MYO3B: variants seen among roughly 807,000 people sequenced by gnomAD.
MYO3B encodes myosin-IIIb.
MYO3B carries 156 observed loss-of-function variants against 174.6 expected under a neutral mutation model. That is an observed-to-expected ratio of 0.89 (90% CI 0.78 to 1.02). MYO3B has a LOEUF of 1.02. Among genes scored for constraint, MYO3B ranks in the 50% least tolerant of loss-of-function variants. The pLI, the probability that MYO3B is intolerant of heterozygous loss-of-function variation, is 0.00. For missense variants in MYO3B, 1,632 were observed against 1,639.4 expected, an observed-to-expected ratio of 1.00 and a Z score of 0.08; for synonymous variants, 563 against 569.1, an observed-to-expected ratio of 0.99 and a Z score of 0.15.
At chr2:170,218,290 A>G (rs1246882202) in intron 6 of MYO3B, among the ~76,000 whole-genome samples, 1 of 152,222 alleles carries the variant, frequency 6.6e-6, no homozygotes, top group Non-Finnish European at 1.5e-5. Context: ...GAAAAAGAAA[A>G]ATGCTGCAAT....
intron 7 of MYO3B, among the ~76,000 whole-genome samples, chr2:170,236,801 G>A (rs574426978): frequency 6.6e-6 from 1 of 152,184 alleles, no homozygotes; most frequent in African/African-American, 2.4e-5. Context: ...TTCCCAACCA[G>A]GGTGCAGATT....
In MYO3B at chr2:170,383,788, T is replaced by G. The variant is rs1181493111; in HGVS notation, c.1264T>G (p.Cys422Gly). The G allele has an allele frequency of 6.2e-7, 1 of 1,613,550 alleles. No individual in the cohort carries two copies. The highest frequency in any genetic ancestry group is 8.5e-7 in the Non-Finnish European group (1 of 1,179,646). ...IFASADAAYQ[C>G]MVTLSKDQCI... ...TGCATCAGCAGATGCTGCTTACCAG[T>G]GCATGGTTACTCTCAGCAAAGACCA... The change falls in exon 12 of 35, where the codon TGC (cysteine) becomes GGC (glycine). Residue 422 changes from cysteine to glycine, a missense_variant. By Grantham distance (159) the Cys-to-Gly change is radical (BLOSUM62 -3). Coordinates refer to ENST00000408978, the MANE Select transcript of MYO3B (RefSeq NM_138995.5).
At chr2:170,447,308 G>A (rs1049467105) in intron 23 of MYO3B, among the ~76,000 whole-genome samples, 2 of 152,166 alleles carry the variant, frequency 1.3e-5, no homozygotes, top group African/African-American at 4.8e-5. Flanking sequence ...GAGACCAGTG[G>A]TGCTGTCGGG....
chr2:170,623,058 T>C (rs1318350325), intron 32 of MYO3B, among the ~76,000 whole-genome samples: 4 of 152,114 alleles, frequency 2.6e-5, no homozygotes, highest in East Asian at 3.9e-4. Context: ...TTTATAGCAG[T>C]ATGATTTATA....
intron 7 of MYO3B, among the ~76,000 whole-genome samples, chr2:170,307,496 T>C (rs113668121): frequency 4.6e-5 from 7 of 152,222 alleles, no homozygotes; most frequent in Admixed American, 3.3e-4. Flanking sequence ...ATGTATTGCA[T>C]ATCAGTGGTA....
intron 32 of MYO3B, among the ~76,000 whole-genome samples, chr2:170,573,460 T>G (rs1692582066): frequency 6.6e-6 from 1 of 152,062 alleles, no homozygotes; most frequent in Non-Finnish European, 1.5e-5. Flanking sequence ...GGGCTGTCAA[T>G]TCCATTATAA....
chr2:170,255,331 G>A (rs1262271968), intron 7 of MYO3B, among the ~76,000 whole-genome samples: 1 of 128,248 alleles, frequency 7.8e-6, no homozygotes, highest in Non-Finnish European at 1.6e-5. Flanking sequence ...GTCATCTCTT[G>A]TGCTCCTCCC....
intron 8 of MYO3B, among the ~76,000 whole-genome samples, chr2:170,358,535 T>C (rs1218182540): frequency 6.6e-6 from 1 of 152,190 alleles, no homozygotes; most frequent in Non-Finnish European, 1.5e-5. Flanking sequence ...TGTGAATATA[T>C]TAAAAATAAT....
intron 7 of MYO3B, among the ~76,000 whole-genome samples, chr2:170,252,864 G>A (rs928182032): frequency 8.5e-5 from 13 of 152,236 alleles, no homozygotes; most frequent in Non-Finnish European, 1.3e-4. Context: ...AATGAGGTGG[G>A]AACATGGTGG....
chr2:170,632,608 C>T (rs1430215120), intron 32 of MYO3B, among the ~76,000 whole-genome samples: 5 of 152,084 alleles, frequency 3.3e-5, no homozygotes, highest in East Asian at 1.9e-4. Context: ...CAAAAGCTAG[C>T]GGAAGCCAAG....
At chr2:170,429,271 T>A (rs933579381) in intron 22 of MYO3B, among the ~76,000 whole-genome samples, 1 of 152,210 alleles carries the variant, frequency 6.6e-6, no homozygotes, top group Admixed American at 6.5e-5. Context: ...ACCTGACCCA[T>A]ATGAGATTTT....
intron 30 of MYO3B, among the ~76,000 whole-genome samples, chr2:170,520,469 A>G (rs1661445943): frequency 6.6e-6 from 1 of 151,510 alleles, no homozygotes; most frequent in African/African-American, 2.4e-5. Flanking sequence ...ACACACACAT[A>G]TATATACACA....
In MYO3B at chr2:170,466,594, T is replaced by A; in HGVS notation, c.2897T>A (p.Leu966Gln). The A allele has an allele frequency of 1.2e-6, 2 of 1,614,216 alleles. No individual in the cohort carries two copies. The highest frequency in any genetic ancestry group is 1.1e-5 in the South Asian group (1 of 91,078). Reference sequence around the variant, plus strand: ...AAACCCAATGATGACCGAGAGGCCCTGCAGTTCTCTCGAGAGAGGGTGCTG... The same window carrying A: ...AAACCCAATGATGACCGAGAGGCCCAGCAGTTCTCTCGAGAGAGGGTGCTG... ...CIKPNDDREA[L>Q]QFSRERVLAQ... The change falls in exon 25 of 35, where the codon CTG becomes CAG. Residue 966 changes from leucine to glutamine, a missense_variant. Transcript: ENST00000408978.
chr2:170,440,101 T>G (rs888691083), intron 22 of MYO3B, among the ~76,000 whole-genome samples: 4 of 152,208 alleles, frequency 2.6e-5, no homozygotes, highest in Admixed American at 6.5e-5. Context: ...TAACACTGTT[T>G]GTTGAAGAGA....
At chr2:170,629,966 C>CAT (rs1384780042) in intron 32 of MYO3B, among the ~76,000 whole-genome samples, 2 of 152,104 alleles carry the variant, frequency 1.3e-5, no homozygotes, top group East Asian at 3.9e-4. Flanking sequence ...GGAACAGCTC[C>CAT]ATTCTACACC....
chr2:170,229,554 G>A (rs1310101184), intron 6 of MYO3B, among the ~76,000 whole-genome samples: 1 of 152,138 alleles, frequency 6.6e-6, no homozygotes, highest in East Asian at 1.9e-4. Context: ...TGTTGTTTAA[G>A]TTTGATAAAT....
chr2:170,305,913 C>T (rs987876370), intron 7 of MYO3B, among the ~76,000 whole-genome samples: 7 of 152,130 alleles, frequency 4.6e-5, no homozygotes, highest in African/African-American at 7.2e-5. Flanking sequence ...TGGGTTAAAG[C>T]GATAAACATT....
At chr2:170,488,426 C>T (rs1238330028) in intron 25 of MYO3B, among the ~76,000 whole-genome samples, 1 of 151,944 alleles carries the variant, frequency 6.6e-6, no homozygotes, top group African/African-American at 2.4e-5. Flanking sequence ...TTGTGTCAAA[C>T]CTGGATCTAT....
chr2:170,285,207 G>T (rs1204014970), intron 7 of MYO3B, among the ~76,000 whole-genome samples: 1 of 152,122 alleles, frequency 6.6e-6, no homozygotes, highest in Non-Finnish European at 1.5e-5. Context: ...TTCTCTGGAG[G>T]ACATTTCCAG....
Sources: allele counts gnomAD v4.1 joint callset (sites outside exome capture counted in the v4.1 genomes callset), GRCh38; gene constraint gnomAD v4.1.1; transcripts MANE v1.5; gene names NCBI Gene and HGNC (gene_info 2026-07-23, HGNC 2026-07-21).